PDCD1LG2: variants seen among roughly 807,000 people sequenced by gnomAD.
The protein encoded by PDCD1LG2 is programmed cell death 1 ligand 2, also known as B7 dendritic cell molecule.
A neutral mutation model predicts 28.2 loss-of-function variants in PDCD1LG2; 32 were observed. The ratio of observed to expected loss-of-function variants is 1.13; its 90% CI spans 0.86 to 1.52. The LOEUF (loss-of-function observed/expected upper bound fraction) is 1.52. Among genes scored for constraint, PDCD1LG2 ranks in the 40% most tolerant of loss-of-function variants. The probability of loss-of-function intolerance (pLI) is 0.00; values close to 1 mark genes in which losing one functional copy is unlikely to be tolerated. For missense variants in PDCD1LG2, 385 were observed against 323.8 expected, an observed-to-expected ratio of 1.19 and a Z score of -1.45; for synonymous variants, 116 against 120.2, an observed-to-expected ratio of 0.97 and a Z score of 0.23.
At chr9:5,530,226 A>T (rs1490999571) in intron 2 of PDCD1LG2, among the ~76,000 whole-genome samples, 2 of 152,172 alleles carry the variant, frequency 1.3e-5, no homozygotes, top group Non-Finnish European at 2.9e-5. Context: ...TAGGTGTTCT[A>T]ATCTAGCAAA....
chr9:5,564,626 C>A (rs1816628061), intron 6 of PDCD1LG2, among the ~76,000 whole-genome samples: 1 of 152,202 alleles, frequency 6.6e-6, no homozygotes, highest in African/African-American at 2.4e-5. Context: ...CCCCCAAACA[C>A]TGTTTTCATC....
intron 1 of PDCD1LG2, among the ~76,000 whole-genome samples, chr9:5,511,364 A>G (rs1820053326): frequency 6.6e-6 from 1 of 152,202 alleles, no homozygotes; most frequent in Non-Finnish European, 1.5e-5. Flanking sequence ...TCCATATAAA[A>G]TGATCAGCGA....
intron 6 of PDCD1LG2, among the ~76,000 whole-genome samples, chr9:5,565,437 G>A (rs577169462): frequency 3.3e-5 from 5 of 152,270 alleles, no homozygotes; most frequent in Admixed American, 3.3e-4. Context: ...TCCTGCCTTG[G>A]CCTCCCAAAG....
intron 3 of PDCD1LG2, 71 bp from the exon 4 acceptor site, chr9:5,549,264 T>A: frequency 2.2e-6 from 3 of 1,386,836 alleles, no homozygotes; most frequent in Non-Finnish European, 3.0e-6. Flanking sequence ...TCATTTCACA[T>A]GGCATGAAGT....
At chr9:5,519,348 G>C (rs1405477959) in intron 1 of PDCD1LG2, among the ~76,000 whole-genome samples, 1 of 152,138 alleles carries the variant, frequency 6.6e-6, no homozygotes, top group Non-Finnish European at 1.5e-5. Context: ...GTGTGCTCAT[G>C]GGCAAGTGGT....
At chr9:5,533,687 ACT>A (rs1820525422) in intron 2 of PDCD1LG2, among the ~76,000 whole-genome samples, 1 of 151,936 alleles carries the variant, frequency 6.6e-6, no homozygotes, top group African/African-American at 2.4e-5. Flanking sequence ...CATCTTACAT[ACT>A]TCTAGTGGCG....
At chr9:5,544,232 A>C (rs1820748631) in intron 3 of PDCD1LG2, among the ~76,000 whole-genome samples, 2 of 152,132 alleles carry the variant, frequency 1.3e-5, no homozygotes, top group Non-Finnish European at 2.9e-5. Flanking sequence ...GAGAAGCCAA[A>C]CAGAGAACAG....
intron 1 of PDCD1LG2, among the ~76,000 whole-genome samples, chr9:5,511,190 T>C (rs73641628): frequency 0.012 from 1,853 of 152,306 alleles, 41 homozygotes; most frequent in African/African-American, 0.043. Flanking sequence ...TAGCAGACGG[T>C]GATCCCTCCA....
rs1006115183 is a variant in PDCD1LG2, at chr9:5,570,175, T to C, written c.*216T>C. 17 of 591,234 alleles carry C rather than the reference T, an allele frequency of 2.9e-5. No individual in the cohort carries two copies. In the Admixed American group the frequency reaches 3.3e-4, roughly 11 times the overall value. 36.6% of individuals were successfully genotyped at this position (591,234 alleles called of 1,614,324 possible). On this transcript the variant is annotated 3_prime_UTR_variant, in exon 7 of 7. Coordinates refer to ENST00000397747, the MANE Select transcript of PDCD1LG2 (RefSeq NM_025239.4). ...GATCTGGACTCACCTCTGGAGCCTA[T>C]GGCTTTAAGCAAGCACTACTGCACT...
chr9:5,567,275 A>T (rs1816684397), intron 6 of PDCD1LG2, among the ~76,000 whole-genome samples: 1 of 152,226 alleles, frequency 6.6e-6, no homozygotes, highest in African/African-American at 2.4e-5. Flanking sequence ...TGCTCTAAGG[A>T]TATAAGAGCT....
At chr9:5,515,518 A>T (rs566273105) in intron 1 of PDCD1LG2, among the ~76,000 whole-genome samples, 1 of 152,296 alleles carries the variant, frequency 6.6e-6, no homozygotes, top group Admixed American at 6.5e-5. Flanking sequence ...AGCTTTCAGG[A>T]GACCCAAAGT....
At chr9:5,529,554 C>A (rs1820442560) in intron 2 of PDCD1LG2, among the ~76,000 whole-genome samples, 1 of 152,000 alleles carries the variant, frequency 6.6e-6, no homozygotes, top group Admixed American at 6.5e-5. Flanking sequence ...TTTTTTCTTA[C>A]ATTTTTATTT....
chr9:5,552,755 C>T (rs1304216775), intron 4 of PDCD1LG2, among the ~76,000 whole-genome samples: 2 of 152,172 alleles, frequency 1.3e-5, no homozygotes, highest in African/African-American at 4.8e-5. Context: ...GTATTTTCTT[C>T]TGGAAAAAAT....
rs572060942 is a variant in PDCD1LG2, at chr9:5,538,809, T to C, written c.361+3759T>C. ...AAGTTATGTGCACCTTCTTTTGAGA[T>C]CATTTTTTTGGGTATATGTGAATGT... On this transcript the variant is annotated intron_variant, in intron 3 of 6. Transcript: ENST00000397747. 3.9e-5 allele frequency among the ~76,000 whole-genome samples: 6 copies of C among 152,288 alleles called. 1 individual carries two copies. The South Asian group carries it at 1.2e-3, about 32-fold the overall frequency.
chr9:5,550,736 C>T (rs904852741), intron 4 of PDCD1LG2, among the ~76,000 whole-genome samples: 2 of 152,000 alleles, frequency 1.3e-5, no homozygotes, highest in Admixed American at 6.6e-5. Context: ...TTCTGCCCCC[C>T]AGGCTGGAAT....
In PDCD1LG2 at chr9:5,569,841, C is replaced by T; in HGVS notation, c.817-113C>T. The stretch of plus-strand genomic sequence containing the variant: ...TGAAAAGTTTTAAACCATGCGGCTT[C>T]CAGCTAGATGAACTTTTTTAAAAAA... On this transcript the variant is annotated intron_variant, in intron 6 of 6. Coordinates refer to ENST00000397747, the MANE Select transcript of PDCD1LG2 (RefSeq NM_025239.4). The surrounding 1 kb of genome is among the most constrained non-coding windows in gnomAD (Gnocchi z 4.1). The T allele has an allele frequency of 9.4e-7, 1 of 1,064,750 alleles. No homozygotes were observed. The highest frequency in any genetic ancestry group is 1.6e-5 in the African/African-American group (1 of 62,758). 66.0% of individuals were successfully genotyped at this position (1,064,750 alleles called of 1,614,324 possible).
chr9:5,542,563 A>G (rs1043274656), intron 3 of PDCD1LG2, among the ~76,000 whole-genome samples: 6 of 152,214 alleles, frequency 3.9e-5, no homozygotes, highest in African/African-American at 1.4e-4. Context: ...AGATACACAA[A>G]TGACCAACGA....
At chr9:5,543,353 C>T (rs967899785) in intron 3 of PDCD1LG2, among the ~76,000 whole-genome samples, 2 of 152,054 alleles carry the variant, frequency 1.3e-5, no homozygotes, top group South Asian at 4.1e-4. Flanking sequence ...TCCTGGCTAA[C>T]ACGGTGAAAC....
At chr9:5,528,276 T>A (rs1007924345) in intron 2 of PDCD1LG2, among the ~76,000 whole-genome samples, 2 of 147,498 alleles carry the variant, frequency 1.4e-5, no homozygotes, top group East Asian at 1.9e-4. Flanking sequence ...TATATATATT[T>A]TATATATATA....
Sources: gnomAD v4.1 joint callset for allele counts (sites outside exome capture counted in the v4.1 genomes callset) on GRCh38, gnomAD v4.1.1 for gene constraint, Gnocchi (gnomAD v3.1) non-coding constraint, MANE v1.5 for transcripts, NCBI Gene and HGNC (gene_info 2026-07-23, HGNC 2026-07-21) for gene names.